Variants in FARP1 observed in about 807,000 individuals in gnomAD.
FARP1 encodes the protein FERM, ARHGEF and pleckstrin domain-containing protein 1.
Under a neutral mutation model 128.8 loss-of-function variants are expected in FARP1, and 52 were observed. The observed-to-expected ratio is 0.40, with a 90% CI of 0.32 to 0.51. The LOEUF (loss-of-function observed/expected upper bound fraction) is 0.51, where lower values mean the gene tolerates loss of function less well. FARP1 is among the 20% of genes least tolerant of loss of function. FARP1 has a pLI of 0.45. For missense variants in FARP1, 1,333 were observed against 1,367.9 expected (o/e 0.97, Z 0.40); for synonymous variants, 580 against 551.8 (o/e 1.05, Z -0.72).
intron 2 of FARP1, among the ~76,000 whole-genome samples, chr13:98,252,184 TATATTAGC>T (rs1459763417): frequency 2.0e-5 from 3 of 152,320 alleles, no homozygotes; most frequent in African/African-American, 4.8e-5. Flanking sequence ...TAATATGTAT[TATATTAGC>T]ATATTAGGAG....
At position 98,448,435 on chromosome 13, in the gene FARP1, A is replaced by C. The variant is rs926412869; in HGVS notation, c.*118A>C. 3.6e-6 allele frequency: 3 copies of C among 842,482 alleles called. No homozygotes were observed. Among genetic ancestry groups the C allele is most frequent in the African/African-American group, 3.3e-5 (2 of 59,818 alleles). The allele number at this position is 842,482 out of a possible 1,614,324, so 52.2% of individuals were successfully genotyped here. A position where few individuals can be genotyped will look rare whatever the true frequency, so the allele number is the denominator to read the frequency against. On this transcript the variant is annotated 3_prime_UTR_variant, in exon 27 of 27. Transcript: ENST00000319562. Reference sequence around the variant, plus strand: ...CTGAAAATCAAAAACATGGCTTCCCAGCAGCTCTCCTGTCTCCACAGCCGC... The same window carrying C: ...CTGAAAATCAAAAACATGGCTTCCCCGCAGCTCTCCTGTCTCCACAGCCGC...
chr13:98,159,018 GTC>G (rs1876683058), intron 1 of FARP1, among the ~76,000 whole-genome samples: 2 of 152,126 alleles, frequency 1.3e-5, no homozygotes, highest in Admixed American at 1.3e-4. Flanking sequence ...AATAAGAAAA[GTC>G]TATCTTCAAG....
chr13:98,268,230 G>A (rs559146325), intron 2 of FARP1, among the ~76,000 whole-genome samples: 1 of 152,218 alleles, frequency 6.6e-6, no homozygotes, highest in African/African-American at 2.4e-5. Flanking sequence ...TTGCCTGTGG[G>A]GGCTCTTGTG....
intron 26 of FARP1, chr13:98,447,823 T>C (rs1165773168): frequency 5.6e-6 from 1 of 177,244 alleles, no homozygotes; most frequent in Non-Finnish European, 1.2e-5. Context: ...CCAGTATGAG[T>C]GACAGAGCCA....
chr13:98,337,604 C>G (rs1472334487), intron 2 of FARP1, among the ~76,000 whole-genome samples: 1 of 137,808 alleles, frequency 7.3e-6, no homozygotes, highest in African/African-American at 2.6e-5. Context: ...AATAAGTTAA[C>G]CTTTAAGAAA....
intron 2 of FARP1, among the ~76,000 whole-genome samples, chr13:98,305,954 G>A (rs1271739865): frequency 1.3e-5 from 2 of 151,932 alleles, no homozygotes; most frequent in African/African-American, 4.8e-5. Flanking sequence ...ATCACTGGGA[G>A]ACAAGGAGGC....
chr13:98,448,451 C>T lies in FARP1; in HGVS notation c.*134C>T. On this transcript the variant is annotated 3_prime_UTR_variant, in exon 27 of 27. Coordinates refer to ENST00000319562, the MANE Select transcript of FARP1 (RefSeq NM_005766.4). Reference sequence around the variant, plus strand: ...TGGCTTCCCAGCAGCTCTCCTGTCTCCACAGCCGCGTTTTTTAACCCCGAC... The same window carrying T: ...TGGCTTCCCAGCAGCTCTCCTGTCTTCACAGCCGCGTTTTTTAACCCCGAC... The T allele has an allele frequency of 1.4e-6, 1 of 724,900 alleles. No homozygotes were observed. The highest frequency in any genetic ancestry group is 2.4e-6 in the Non-Finnish European group (1 of 421,124). The allele number at this position is 724,900 out of a possible 1,614,324, so 44.9% of individuals were successfully genotyped here. A position where few individuals can be genotyped will look rare whatever the true frequency, so the allele number is the denominator to read the frequency against.
chr13:98,335,599 A>G (rs1374185375), intron 2 of FARP1, among the ~76,000 whole-genome samples: 1 of 152,204 alleles, frequency 6.6e-6, no homozygotes, highest in Non-Finnish European at 1.5e-5. Flanking sequence ...TGACCCAAAG[A>G]GAGATGCTCA....
intron 1 of FARP1, among the ~76,000 whole-genome samples, chr13:98,154,590 T>C (rs1344586324): frequency 6.6e-6 from 1 of 152,176 alleles, no homozygotes; most frequent in Non-Finnish European, 1.5e-5. Flanking sequence ...ATAAATAAGA[T>C]GTCAGTCCTG....
chr13:98,377,694 C>T (rs1052180653), intron 5 of FARP1, 127 bp from the exon 6 acceptor site: 5 of 646,068 alleles, frequency 7.7e-6, no homozygotes, highest in African/African-American at 1.8e-5. Flanking sequence ...AGCTGGAATC[C>T]GTTCCAGCCC....
chr13:98,246,076 C>T (rs754412929), intron 2 of FARP1, among the ~76,000 whole-genome samples: 4 of 137,356 alleles, frequency 2.9e-5, no homozygotes, highest in Admixed American at 7.8e-5. Context: ...TGCGCCCGGC[C>T]GAGATAAATT....
At chr13:98,180,732 A>C (rs1878446326) in intron 1 of FARP1, among the ~76,000 whole-genome samples, 1 of 152,046 alleles carries the variant, frequency 6.6e-6, no homozygotes, top group African/African-American at 2.4e-5. Context: ...TGCCTTTGTA[A>C]AGTAATGTTT....
intron 2 of FARP1, among the ~76,000 whole-genome samples, chr13:98,237,487 C>T (rs1882491438): frequency 6.6e-6 from 1 of 152,210 alleles, no homozygotes; most frequent in Non-Finnish European, 1.5e-5. Context: ...CTTCCTGTTG[C>T]TGTTGCAGTG....
chr13:98,395,320 G>A lies in FARP1; in HGVS notation c.1258G>A (p.Gly420Arg), dbSNP rs541677119. The A allele has an allele frequency of 8.7e-6, 14 of 1,610,342 alleles. No individual in the cohort carries two copies. The East Asian group carries it at 1.3e-4, about 15-fold the overall frequency. Residue 420 changes from glycine (G) to arginine (R), a missense_variant, in exon 13 of 27, where the codon GGG (glycine) becomes AGG (arginine). Coordinates refer to ENST00000319562, the MANE Select transcript of FARP1 (RefSeq NM_005766.4). ...RRGKEPKVSA[G>R]EPGSHPSPAP... ...AGGAAAGGAACCGAAGGTTTCCGCC[G>A]GGGAGCCGGGGTCGCACCCGAGCCC...
At chr13:98,383,439 A>G (rs1441350110) in intron 6 of FARP1, among the ~76,000 whole-genome samples, 3 of 152,160 alleles carry the variant, frequency 2.0e-5, no homozygotes, top group African/African-American at 2.4e-5. Context: ...CTGCCAGGTG[A>G]GTTGGCATGG....
chr13:98,449,230 T>A lies in FARP1; in HGVS notation c.*913T>A, dbSNP rs1207294752. 1 of 152,254 alleles carries A rather than the reference T, an allele frequency of 6.6e-6. No individual in the cohort carries two copies. Among genetic ancestry groups the A allele is most frequent in the African/African-American group, 2.4e-5 (1 of 41,456 alleles). 9.4% of individuals were successfully genotyped at this position (152,254 alleles called of 1,614,324 possible). ...AGCACTATGAAATCATGGTACGTAG[T>A]CCCCGGCACCTGTCGTTATTCCTAT... On this transcript the variant is annotated 3_prime_UTR_variant, in exon 27 of 27. Transcript: ENST00000319562.
chr13:98,216,952 T>G (rs1169329765), intron 2 of FARP1, among the ~76,000 whole-genome samples: 2 of 152,230 alleles, frequency 1.3e-5, no homozygotes, highest in Non-Finnish European at 2.9e-5. Context: ...ATATGCAGCT[T>G]TCTCTTCCAA....
At chr13:98,349,679 A>AGGG (rs1888328742) in intron 3 of FARP1, among the ~76,000 whole-genome samples, 3 of 74,850 alleles carry the variant, frequency 4.0e-5, no homozygotes, top group African/African-American at 1.8e-4. Context: ...AGGGAAAAAA[A>AGGG]AAAAAAAAAA....
At chr13:98,405,840 T>A (rs1374080020) in intron 13 of FARP1, 1 of 152,230 alleles carries the variant, frequency 6.6e-6, no homozygotes, top group Non-Finnish European at 1.5e-5. Context: ...GCATTGATAA[T>A]TTCATGGAGT....
Sources: gnomAD v4.1 joint callset for allele counts (sites outside exome capture counted in the v4.1 genomes callset) on GRCh38, gnomAD v4.1.1 for gene constraint, MANE v1.5 for transcripts, NCBI Gene and HGNC (gene_info 2026-07-23, HGNC 2026-07-21) for gene names.